Variants in IQCN observed in about 807,000 individuals in gnomAD.
IQCN encodes IQ domain-containing protein N.
Under a neutral mutation model 64.4 loss-of-function variants are expected in IQCN, and 46 were observed. The ratio of observed to expected loss-of-function variants is 0.71; its 90% CI spans 0.56 to 0.91. IQCN has a LOEUF of 0.91. Ranked by LOEUF, IQCN falls within the 40% of genes least tolerant of loss-of-function variation. IQCN has a pLI of 0.00. For missense variants in IQCN, 1,753 were observed against 1,857.4 expected (o/e 0.94, Z 1.03); for synonymous variants, 733 against 775.6 (o/e 0.95, Z 0.91).
At chr19:18,271,603 G>A (rs1325964883) in intron 1 of IQCN, among the ~76,000 whole-genome samples, 1 of 152,112 alleles carries the variant, frequency 6.6e-6, no homozygotes, top group African/African-American at 2.4e-5. Context: ...ACAAGTTAAC[G>A]GAGATAATTG....
chr19:18,265,115 G>A lies in IQCN; in HGVS notation c.2425C>T (p.His809Tyr). 6.2e-7 allele frequency: 1 copy of A among 1,604,554 alleles called. No homozygotes were observed. The highest frequency in any genetic ancestry group is 1.7e-5 in the Admixed American group (1 of 60,016). ...GTGGTCTTCCCCGGCACGTGTCCGTGGGGCTGTGGCTGGGTCTGTCTGTCC... is the reference window on the plus strand; with the variant it reads ...GTGGTCTTCCCCGGCACGTGTCCGTAGGGCTGTGGCTGGGTCTGTCTGTCC... Reference protein sequence around the residue: ...PEDRQTQPQPHGHVPGKTTQG... With the variant: ...PEDRQTQPQPYGHVPGKTTQG... The change falls in exon 3 of 4, where the codon CAC (histidine) becomes TAC (tyrosine). Residue 809 changes from histidine (H) to tyrosine (Y), a missense_variant. His to Tyr is a moderately conservative substitution (Grantham distance 83). Transcript: ENST00000392413. The surrounding 1 kb of genome is among the most constrained non-coding windows in gnomAD (Gnocchi z 4.7).
intron 2 of IQCN, among the ~76,000 whole-genome samples, chr19:18,268,172 C>CTGTGTGTG (rs1491254626): frequency 1.2e-5 from 1 of 85,436 alleles, no homozygotes; most frequent in South Asian, 4.4e-4. Flanking sequence ...TCCTGTTTGC[C>CTGTGTGTG]TCTGTGTGTG....
At chr19:18,262,188 G>A (rs942457463) in intron 3 of IQCN, 6 of 152,578 alleles carry the variant, frequency 3.9e-5, no homozygotes, top group African/African-American at 1.5e-4. Flanking sequence ...ATATGAGTAG[G>A]CTGCACTTGG....
rs200030980 is a variant in IQCN at position 18,257,205 on chromosome 19, C to T, written c.4079G>A (p.Arg1360Gln). The stretch of plus-strand genomic sequence containing the variant: ...CTAGATGCCAGGCCAATGCATGTGC[C>T]GTGAGCTGGCCGAGGGGTCTGCTGG... The part of the protein sequence containing the change: ...LGPADPSASS[R>Q]HMHWPGI The change falls in exon 4 of 4, where the codon CGG becomes CAG. Residue 1360 changes from arginine to glutamine, a missense_variant. Coordinates refer to ENST00000392413, the MANE Select transcript of IQCN (RefSeq NM_001145304.2). 125 of 1,613,448 alleles carry T rather than the reference C, an allele frequency of 7.7e-5. No homozygotes were observed. The highest frequency in any genetic ancestry group is 1.5e-4 in the African/African-American group (11 of 75,074).
At chr19:18,268,432 G>A (rs980519253) in intron 2 of IQCN, among the ~76,000 whole-genome samples, 1 of 152,108 alleles carries the variant, frequency 6.6e-6, no homozygotes, top group Non-Finnish European at 1.5e-5. Context: ...TACAGGACTA[G>A]ATACTGAATG....
At position 18,267,091 on chromosome 19, in the gene IQCN, T is replaced by C; in HGVS notation, c.449A>G (p.Lys150Arg). The C allele has an allele frequency of 6.2e-7, 1 of 1,614,246 alleles. No homozygotes were observed. The highest frequency in any genetic ancestry group is 8.5e-7 in the Non-Finnish European group (1 of 1,180,048). Residue 150 changes from lysine to arginine, a missense_variant, in exon 3 of 4, where the codon AAG becomes AGG. Coordinates refer to ENST00000392413, the MANE Select transcript of IQCN (RefSeq NM_001145304.2). ...FNKRHILHSS[K>R]SLVKKTRAEE... ...CGCCCTCGTTTTCTTTACCAACGACTTGCTGGAGTGAAGGATGTGTCTCTT... is the reference window on the plus strand; with the variant it reads ...CGCCCTCGTTTTCTTTACCAACGACCTGCTGGAGTGAAGGATGTGTCTCTT...
chr19:18,268,179 T>C (rs12983567), intron 2 of IQCN, among the ~76,000 whole-genome samples: 4,191 of 86,156 alleles, frequency 0.049, 188 homozygotes, highest in African/African-American at 0.14. Context: ...TGCCTCTGTG[T>C]GTGTGTGTGT....
Position 18,265,051 on chromosome 19 carries a change from C to A in IQCN, c.2489G>T (p.Gly830Val). Residue 830 changes from glycine (G) to valine (V), a missense_variant, in exon 3 of 4, where the codon GGT becomes GTT. By Grantham distance (109) the Gly-to-Val change is moderately radical. Transcript: ENST00000392413. The surrounding 1 kb of genome is among the most constrained non-coding windows in gnomAD (Gnocchi z 4.7). ...GGGTGCCATCGGCGGCACCAGCATACCCTGGACCTCACAGGCTGCCGGGCA... is the reference window on the plus strand; with the variant it reads ...GGGTGCCATCGGCGGCACCAGCATAACCTGGACCTCACAGGCTGCCGGGCA... ...GPCPAACEVQ[G>V]MLVPPMAPTG... 1 of 1,600,956 alleles carries A rather than the reference C, an allele frequency of 6.2e-7. No individual in the cohort carries two copies. Among genetic ancestry groups the A allele is most frequent in the South Asian group, 1.1e-5 (1 of 91,074 alleles).
chr19:18,269,680 A>G, intron 1 of IQCN, 93 bp from the exon 2 acceptor site: 1 of 507,920 alleles, frequency 2.0e-6, no homozygotes, highest in Non-Finnish European at 3.5e-6. Context: ...TCTAAAAAAA[A>G]AAAAAAATGT....
Position 18,264,895 on chromosome 19 carries a change from G to T in IQCN, c.2645C>A (p.Ala882Asp), listed in dbSNP as rs748892366. The T allele has an allele frequency of 1.9e-6, 3 of 1,613,242 alleles. No homozygotes were observed. In the South Asian group the frequency reaches 3.3e-5, roughly 18 times the overall value. ...GGATGCCAGCACACCAGCTACTTCA[G>T]CACACAAGGAGGCCAGCAGGGAGCC... Reference protein sequence around the residue: ...TVGSLLASLCAEVAGVLASQE... With the variant: ...TVGSLLASLCDEVAGVLASQE... Residue 882 changes from alanine (A) to aspartate (D), a missense_variant, in exon 3 of 4, where the codon GCT (alanine) becomes GAT (aspartate). By Grantham distance (126) the Ala-to-Asp change is moderately radical. Transcript: ENST00000392413. The surrounding 1 kb of genome is among the most constrained non-coding windows in gnomAD (Gnocchi z 4.3).
chr19:18,263,026 G>C (rs1224692951), intron 3 of IQCN, among the ~76,000 whole-genome samples: 1 of 152,184 alleles, frequency 6.6e-6, no homozygotes, highest in Non-Finnish European at 1.5e-5. Flanking sequence ...ACTGAGCTGT[G>C]TTGGAAACTG....
intron 2 of IQCN, 93 bp downstream of exon 2, chr19:18,269,373 T>G (rs1600135414): frequency 1.5e-6 from 2 of 1,322,858 alleles, no homozygotes; most frequent in Non-Finnish European, 2.2e-6. Context: ...GCCACCCTGA[T>G]GCATAGCCTG....
Position 18,257,882 on chromosome 19 carries a change from C to T in IQCN, c.3402G>A (p.Arg1134=). 6.2e-7 allele frequency: 1 copy of T among 1,612,480 alleles called. No individual in the cohort carries two copies. Among genetic ancestry groups the T allele is most frequent in the South Asian group, 1.1e-5 (1 of 91,076 alleles). Residue 1134 remains arginine, a synonymous_variant, in exon 4 of 4, where the codon CGG becomes CGA. Coordinates refer to ENST00000392413, the MANE Select transcript of IQCN (RefSeq NM_001145304.2). ...TGACCATGGCCCCCCGGTGCCACAG[C>T]CGGATCCTGCGACGCGCCAGGTAGC... is the stretch of plus-strand genomic sequence containing the variant. ...VRGYLARRRI[R]LWHRGAMVIQ...
At chr19:18,260,667 T>G (rs1969406173) in intron 3 of IQCN, 1 of 152,804 alleles carries the variant, frequency 6.5e-6, no homozygotes. Context: ...TGGTTGGGCT[T>G]GCCTTGGGGA....
rs373385993 is a variant in IQCN, at chr19:18,274,107, A to G, written c.-110+296T>C. 1.2e-3 allele frequency among the ~76,000 whole-genome samples: 183 copies of G among 152,258 alleles called. 5 individuals are homozygous for G. In the South Asian group the frequency reaches 0.032, roughly 27 times the overall value. Reference sequence around the variant, plus strand: ...GCAACATGTCTCTATTTATTTAAAAAAATAATAATAAAGAGACATAACAGG... The same window carrying G: ...GCAACATGTCTCTATTTATTTAAAAGAATAATAATAAAGAGACATAACAGG... On this transcript the variant is annotated intron_variant, in intron 1 of 3. Coordinates refer to ENST00000392413, the MANE Select transcript of IQCN (RefSeq NM_001145304.2).
chr19:18,265,305 C>G lies in IQCN; in HGVS notation c.2235G>C (p.Arg745=). Residue 745 remains arginine, a synonymous_variant, in exon 3 of 4, where the codon CGG becomes CGC. Transcript: ENST00000392413. The surrounding 1 kb of genome is among the most constrained non-coding windows in gnomAD (Gnocchi z 4.7). ...LATCLTKTQS[R]GQPITDITTC... The stretch of plus-strand genomic sequence containing the variant: ...TGGTTATGTCTGTGATCGGCTGCCC[C>G]CGGGACTGCGTCTTGGTCAGACAGG... The G allele has an allele frequency of 5.0e-6, 8 of 1,614,180 alleles. No individual in the cohort carries two copies. The highest frequency in any genetic ancestry group is 6.8e-6 in the Non-Finnish European group (8 of 1,180,040).
chr19:18,270,609 C>T (rs1014534528), intron 1 of IQCN, among the ~76,000 whole-genome samples: 3 of 151,998 alleles, frequency 2.0e-5, no homozygotes, highest in East Asian at 1.9e-4. Flanking sequence ...CAGTAAGCTA[C>T]GATGGCACCA....
At chr19:18,273,740 G>C (rs1037321947) in intron 1 of IQCN, among the ~76,000 whole-genome samples, 7 of 152,184 alleles carry the variant, frequency 4.6e-5, no homozygotes, top group African/African-American at 1.7e-4. Context: ...AGCTCTGGGA[G>C]CTGAATGGGC....
chr19:18,270,128 G>A (rs1321006082), intron 1 of IQCN, among the ~76,000 whole-genome samples: 2 of 151,570 alleles, frequency 1.3e-5, no homozygotes, highest in Non-Finnish European at 2.9e-5. Context: ...GGGAGGCCGA[G>A]GAGGGTGGAT....
Sources: allele counts gnomAD v4.1 joint callset (sites outside exome capture counted in the v4.1 genomes callset), GRCh38; gene constraint gnomAD v4.1.1; non-coding constraint Gnocchi (gnomAD v3.1); transcripts MANE v1.5; gene names NCBI Gene and HGNC (gene_info 2026-07-23, HGNC 2026-07-21).